The following DLGAP2 variants were observed in gnomAD, a reference collection of about 807,000 sequenced individuals.
The protein encoded by DLGAP2 is DLG associated protein 2.
Under a neutral mutation model 100.3 loss-of-function variants are expected in DLGAP2, and 26 were observed. The ratio of observed to expected loss-of-function variants is 0.26; its 90% CI spans 0.19 to 0.36. The LOEUF is 0.36. Ranked by LOEUF, DLGAP2 falls within the 10% of genes least tolerant of loss-of-function variation. The pLI, the probability that DLGAP2 is intolerant of heterozygous loss-of-function variation, is 1.00. For synonymous variants in DLGAP2, 886 were observed against 630.1 expected, an observed-to-expected ratio of 1.41 and a Z score of -6.08; for missense variants, 1,858 against 1,453.2, an observed-to-expected ratio of 1.28 and a Z score of -4.53.
At chr8:1,558,255 G>A (rs753580866) in intron 5 of DLGAP2, among the ~76,000 whole-genome samples, 8 of 152,228 alleles carry the variant, frequency 5.3e-5, no homozygotes, top group South Asian at 2.1e-4. Flanking sequence ...GCCCAGTCAC[G>A]TGTGCCCAGT....
rs34456280 is a variant in DLGAP2, at chr8:1,063,521, C to CT, written c.73+155572dup. ...CGTGCTTCTTGCCTTAGTATACTGG[C>CT]TTTTTTTTTTTTTTTTTGCTTTTGC... On this transcript the variant is annotated intron_variant, in intron 2 of 14. Coordinates refer to ENST00000637795, the MANE Select transcript of DLGAP2 (RefSeq NM_001346810.2). Among the ~76,000 whole-genome samples the CT allele has an allele frequency of 5.7e-3, 638 of 111,374 alleles. 9 individuals are homozygous for CT. Among genetic ancestry groups the CT allele is most frequent in the African/African-American group, 0.019 (599 of 30,738 alleles). The allele number at this position is 111,374 out of a possible 152,430, so 73.1% of individuals were successfully genotyped here.
At chr8:982,733 C>G (rs1227924841) in intron 2 of DLGAP2, among the ~76,000 whole-genome samples, 1 of 152,154 alleles carries the variant, frequency 6.6e-6, no homozygotes, top group Non-Finnish European at 1.5e-5. Flanking sequence ...ACCAATAAGT[C>G]TCTGCACTGT....
At chr8:926,230 T>A (rs1798812652) in intron 2 of DLGAP2, among the ~76,000 whole-genome samples, 1 of 152,134 alleles carries the variant, frequency 6.6e-6, no homozygotes, top group African/African-American at 2.4e-5. Context: ...GCTCTCATGC[T>A]CCTGACTGCT....
At chr8:1,463,755 C>A (rs575514863) in intron 3 of DLGAP2, among the ~76,000 whole-genome samples, 2 of 152,246 alleles carry the variant, frequency 1.3e-5, no homozygotes, top group Non-Finnish European at 2.9e-5. Context: ...GGCCCTCCTC[C>A]GTCAGATGGG....
At chr8:1,384,302 G>C (rs191584952) in intron 3 of DLGAP2, among the ~76,000 whole-genome samples, 1 of 151,894 alleles carries the variant, frequency 6.6e-6, no homozygotes, top group East Asian at 1.9e-4. Context: ...GCCTATGCCC[G>C]GCCCCTGAGA....
chr8:1,359,213 ACT>A (rs2129647538), intron 3 of DLGAP2, among the ~76,000 whole-genome samples: 1 of 152,088 alleles, frequency 6.6e-6, no homozygotes, highest in Non-Finnish European at 1.5e-5. Context: ...CTCCTGGTAA[ACT>A]CAACAGGAAA....
At chr8:989,111 A>T (rs556588519) in intron 2 of DLGAP2, among the ~76,000 whole-genome samples, 1 of 152,168 alleles carries the variant, frequency 6.6e-6, no homozygotes, top group South Asian at 2.1e-4. Context: ...TGACGACCGC[A>T]GTGCAGTCCC....
chr8:1,636,643 A>T (rs780340568), intron 8 of DLGAP2, among the ~76,000 whole-genome samples: 1 of 152,166 alleles, frequency 6.6e-6, no homozygotes, highest in Non-Finnish European at 1.5e-5. Context: ...ACTTAATTTT[A>T]TCTTGTCACA....
At chr8:1,377,292 C>T (rs973628474) in intron 3 of DLGAP2, among the ~76,000 whole-genome samples, 1 of 152,212 alleles carries the variant, frequency 6.6e-6, no homozygotes, top group Non-Finnish European at 1.5e-5. Context: ...CGCCTGTAAT[C>T]CCAGCACTTT....
At chr8:1,657,390 G>T (rs1429472893) in intron 8 of DLGAP2, among the ~76,000 whole-genome samples, 1 of 152,218 alleles carries the variant, frequency 6.6e-6, no homozygotes, top group Non-Finnish European at 1.5e-5. Flanking sequence ...CGCATGCTAG[G>T]CGTGCACTCA....
At chr8:1,421,708 G>C (rs1797091684) in intron 3 of DLGAP2, among the ~76,000 whole-genome samples, 1 of 152,214 alleles carries the variant, frequency 6.6e-6, no homozygotes. Context: ...GCTCACGCCT[G>C]TAATCCCAGC....
rs189823797 is a variant in DLGAP2 at position 1,227,051 on chromosome 8, G to T, written c.74-31800G>T. Among the ~76,000 whole-genome samples the T allele has an allele frequency of 5.2e-3, 771 of 148,318 alleles. 5 individuals carry two copies. Among genetic ancestry groups the T allele is most frequent in the African/African-American group, 0.019 (749 of 38,890 alleles). On this transcript the variant is annotated intron_variant, in intron 2 of 14. Transcript: ENST00000637795. ...AAATCACCACCTCGGAAATATATCTGCACTCCCTGTTCACCTGTTCATTGC... is the reference window on the plus strand; with the variant it reads ...AAATCACCACCTCGGAAATATATCTTCACTCCCTGTTCACCTGTTCATTGC...
chr8:911,587 G>A (rs969563836), intron 2 of DLGAP2, among the ~76,000 whole-genome samples: 2 of 151,954 alleles, frequency 1.3e-5, no homozygotes, highest in Non-Finnish European at 2.9e-5. Context: ...TGTGTATAAT[G>A]TATGTTGGAA....
intron 3 of DLGAP2, among the ~76,000 whole-genome samples, chr8:1,457,111 T>C (rs1490282076): frequency 6.6e-6 from 1 of 152,212 alleles, no homozygotes; most frequent in Non-Finnish European, 1.5e-5. Flanking sequence ...TCCTATTTTA[T>C]TGGAGTTGCA....
In DLGAP2 at chr8:1,691,599, G is replaced by A. The variant is rs746080186; in HGVS notation, c.2769G>A (p.Gln923=). 1 of 1,614,070 alleles carries A rather than the reference G, an allele frequency of 6.2e-7. No homozygotes were observed. Among genetic ancestry groups the A allele is most frequent in the South Asian group, 1.1e-5 (1 of 91,060 alleles). Residue 923 remains glutamine, a synonymous_variant, in exon 13 of 15, where the codon CAG becomes CAA. Transcript: ENST00000637795. ...AQLLMSQKFQ[Q]FYWLCQQNMD... ...TTCTCATGTCCCAGAAATTCCAGCA[G>A]TTTTATTGGCTTTGCCAACAGAATA...
At chr8:1,005,098 C>T (rs188463134) in intron 2 of DLGAP2, among the ~76,000 whole-genome samples, 84 of 152,270 alleles carry the variant, frequency 5.5e-4, no homozygotes, top group Admixed American at 5.2e-4. Flanking sequence ...GTGGATGGAT[C>T]GTTATTTCCA....
chr8:1,252,173 G>C (rs1049073789), intron 2 of DLGAP2, among the ~76,000 whole-genome samples: 2 of 151,790 alleles, frequency 1.3e-5, no homozygotes, highest in African/African-American at 4.9e-5. Flanking sequence ...GTGTTGTCCT[G>C]GGTCACGGTG....
intron 3 of DLGAP2, among the ~76,000 whole-genome samples, chr8:1,340,009 A>G (rs1024973019): frequency 2.6e-5 from 4 of 152,224 alleles, no homozygotes; most frequent in African/African-American, 9.6e-5. Context: ...AGGGTTCCTT[A>G]TTCAATCCAT....
chr8:1,517,681 AG>A (rs374910586), intron 4 of DLGAP2, among the ~76,000 whole-genome samples: 1 of 152,320 alleles, frequency 6.6e-6, no homozygotes, highest in East Asian at 1.9e-4. Context: ...TGGCTAGGAG[AG>A]CCCTGCCTGT....
Sources: gnomAD v4.1 joint callset for allele counts (sites outside exome capture counted in the v4.1 genomes callset) on GRCh38, gnomAD v4.1.1 for gene constraint, MANE v1.5 for transcripts, NCBI Gene and HGNC (gene_info 2026-07-23, HGNC 2026-07-21) for gene names.